Variants in BBS9 observed in about 807,000 individuals in gnomAD.
The protein encoded by BBS9 is Bardet-Biedl syndrome 9.
In BBS9, 89 loss-of-function variants were observed where a neutral mutation model predicts 117.7. The observed-to-expected ratio is 0.76, with a 90% CI of 0.64 to 0.90. The LOEUF (loss-of-function observed/expected upper bound fraction) is 0.90, where lower values mean the gene tolerates loss of function less well. Among genes scored for constraint, BBS9 ranks in the 40% least tolerant of loss-of-function variants. BBS9 has a pLI of 0.00. For missense variants in BBS9, 982 were observed against 1,042.2 expected (o/e 0.94, Z 0.80); for synonymous variants, 379 against 370.9 (o/e 1.02, Z -0.25).
chr7:33,277,054 TA>T, intron 9 of BBS9: 1 of 228,124 alleles, frequency 4.4e-6, no homozygotes, highest in Non-Finnish European at 1.0e-5. Flanking sequence ...TTCTATGATG[TA>T]GTTGTGGTAG....
At chr7:33,507,148 G>A (rs1266011912) in intron 20 of BBS9, among the ~76,000 whole-genome samples, 2 of 152,164 alleles carry the variant, frequency 1.3e-5, no homozygotes, top group Non-Finnish European at 2.9e-5. Flanking sequence ...CTAAAGATTA[G>A]CAATCATTAC....
chr7:33,182,515 A>G (rs1199487081), intron 5 of BBS9, among the ~76,000 whole-genome samples: 1 of 152,218 alleles, frequency 6.6e-6, no homozygotes, highest in East Asian at 1.9e-4. Flanking sequence ...GCATTTATCA[A>G]ACCTAATATC....
Position 33,315,813 on chromosome 7 carries a change from A to G in BBS9, c.1017-20628A>G, listed in dbSNP as rs530468141. ...TTATTTGTGATTTTTTTAAACCATC[A>G]GTTTTTTTATTATGGAAAAGTTCAA... On this transcript the variant is annotated intron_variant, in intron 9 of 22. Transcript: ENST00000242067. Among the ~76,000 whole-genome samples, 13 of 152,250 alleles carry G rather than the reference A, an allele frequency of 8.5e-5. No homozygotes were observed. In the East Asian group the frequency reaches 2.5e-3, roughly 29 times the overall value.
chr7:33,313,064 T>TGTGTGTGC (rs775083252), intron 9 of BBS9, among the ~76,000 whole-genome samples: 19 of 147,688 alleles, frequency 1.3e-4, no homozygotes, highest in Admixed American at 4.0e-4. Flanking sequence ...TGTGTGTGTG[T>TGTGTGTGC]GCGCGCACAG....
At chr7:33,467,397 G>A (rs140147332) in intron 19 of BBS9, among the ~76,000 whole-genome samples, 2 of 152,208 alleles carry the variant, frequency 1.3e-5, no homozygotes, top group African/African-American at 4.8e-5. Context: ...GATTTTCTAT[G>A]AGGCTAGACA....
intron 9 of BBS9, among the ~76,000 whole-genome samples, chr7:33,275,457 A>G (rs1800597081): frequency 6.6e-6 from 1 of 152,172 alleles, no homozygotes; most frequent in Admixed American, 6.5e-5. Flanking sequence ...AACATCAAGT[A>G]TTTCACTTCT....
intron 5 of BBS9, among the ~76,000 whole-genome samples, chr7:33,222,830 G>A (rs189829744): frequency 2.0e-5 from 3 of 151,948 alleles, no homozygotes; most frequent in Admixed American, 2.0e-4. Flanking sequence ...GTGCATGCCT[G>A]TGGTCCCAGC....
intron 21 of BBS9, among the ~76,000 whole-genome samples, chr7:33,581,224 A>G (rs1354953619): frequency 6.6e-6 from 1 of 152,128 alleles, no homozygotes; most frequent in Non-Finnish European, 1.5e-5. Context: ...ATAAAATAGG[A>G]CACTTGTTTC....
intron 19 of BBS9, chr7:33,390,089 A>G (rs73313190): frequency 0.11 from 27,561 of 245,694 alleles, 1,661 homozygotes; most frequent in African/African-American, 0.17. Context: ...TTTGTTTTCT[A>G]TTTCCTTCCT....
chr7:33,167,045 A>G (rs1016506834), intron 4 of BBS9, among the ~76,000 whole-genome samples: 4 of 152,158 alleles, frequency 2.6e-5, no homozygotes, highest in African/African-American at 4.8e-5. Flanking sequence ...GGATAATTTT[A>G]TCTCTTCCAT....
At chr7:33,135,645 T>C (rs1790337665) in intron 1 of BBS9, among the ~76,000 whole-genome samples, 1 of 152,228 alleles carries the variant, frequency 6.6e-6, no homozygotes, top group African/African-American at 2.4e-5. Flanking sequence ...AATTTTGAGA[T>C]TGTTTTTGCT....
At chr7:33,308,903 C>T (rs556954041) in intron 9 of BBS9, among the ~76,000 whole-genome samples, 2 of 152,174 alleles carry the variant, frequency 1.3e-5, no homozygotes, top group South Asian at 2.1e-4. Context: ...TTTAAAGCAA[C>T]GTAAAAACAA....
intron 21 of BBS9, among the ~76,000 whole-genome samples, chr7:33,558,463 C>G (rs998948589): frequency 1.3e-5 from 2 of 151,954 alleles, no homozygotes; most frequent in African/African-American, 4.8e-5. Flanking sequence ...ACAGGGCAGG[C>G]AAAGGATTCA....
At chr7:33,342,259 G>A (rs1015313658) in intron 11 of BBS9, among the ~76,000 whole-genome samples, 1 of 152,070 alleles carries the variant, frequency 6.6e-6, no homozygotes, top group African/African-American at 2.4e-5. Context: ...TCACATAGTA[G>A]AGGCACTGTT....
intron 19 of BBS9, among the ~76,000 whole-genome samples, chr7:33,388,535 G>A (rs1192415697): frequency 2.0e-5 from 3 of 152,082 alleles, no homozygotes; most frequent in Admixed American, 2.0e-4. Flanking sequence ...TTCTCCAATT[G>A]TCTTACCAAG....
intron 4 of BBS9, among the ~76,000 whole-genome samples, chr7:33,171,937 G>T (rs983963596): frequency 1.3e-5 from 2 of 152,038 alleles, no homozygotes; most frequent in African/African-American, 4.8e-5. Flanking sequence ...CATACCAGGT[G>T]CAATGGTCAG....
intron 5 of BBS9, among the ~76,000 whole-genome samples, chr7:33,193,638 G>A (rs1052500336): frequency 5.9e-5 from 9 of 152,176 alleles, no homozygotes; most frequent in East Asian, 3.9e-4. Context: ...ATCATGCAGT[G>A]TGTCTGCTTA....
At chr7:33,397,376 G>A (rs1388598050) in intron 19 of BBS9, among the ~76,000 whole-genome samples, 1 of 152,180 alleles carries the variant, frequency 6.6e-6, no homozygotes, top group Non-Finnish European at 1.5e-5. Flanking sequence ...TGGTGGGAGT[G>A]TAATTTAGTT....
At chr7:33,361,526 A>G (rs1345413358) in intron 16 of BBS9, among the ~76,000 whole-genome samples, 2 of 152,128 alleles carry the variant, frequency 1.3e-5, no homozygotes, top group African/African-American at 2.4e-5. Context: ...GAAAAATTGT[A>G]TCACGTTATA....
Sources: gnomAD v4.1 joint callset for allele counts (sites outside exome capture counted in the v4.1 genomes callset) on GRCh38, gnomAD v4.1.1 for gene constraint, MANE v1.5 for transcripts, NCBI Gene and HGNC (gene_info 2026-07-23, HGNC 2026-07-21) for gene names.